The following COP1 variants were observed in gnomAD, a reference collection of about 807,000 sequenced individuals.
COP1 encodes the protein E3 ubiquitin-protein ligase COP1.
COP1 carries 24 observed loss-of-function variants against 101.3 expected under a neutral mutation model. The observed-to-expected ratio is 0.24, with a 90% confidence interval of 0.17 to 0.33. COP1 has a LOEUF of 0.33. Among genes scored for constraint, COP1 ranks in the 10% least tolerant of loss-of-function variants. The pLI is 1.00. For synonymous variants in COP1, 347 were observed against 341.9 expected, an observed-to-expected ratio of 1.01 and a Z score of -0.17; for missense variants, 663 against 906.2, an observed-to-expected ratio of 0.73 and a Z score of 3.45.
rs368580094 is a variant in COP1, at chr1:176,004,501, T to C, written c.1730-15022A>G. On this transcript the variant is annotated intron_variant, in intron 15 of 19. Coordinates refer to ENST00000367669, the MANE Select transcript of COP1 (RefSeq NM_022457.7). ...ATGGCTGTGGGTTTGTCATAGATAG[T>C]TCTTATTATTTTGAAATACGTCCCA... Among the ~76,000 whole-genome samples, 179 of 149,718 alleles carry C rather than the reference T, an allele frequency of 1.2e-3. 1 individual carries two copies. Among genetic ancestry groups the C allele is most frequent in the African/African-American group, 3.7e-3 (151 of 40,692 alleles).
chr1:176,060,969 T>C (rs999472626), intron 11 of COP1, among the ~76,000 whole-genome samples: 3 of 152,236 alleles, frequency 2.0e-5, no homozygotes, highest in African/African-American at 7.2e-5. Context: ...TTCTAAAATG[T>C]ACATGGAAAT....
rs1685269949 is a variant in COP1, at chr1:176,111,429, GAC to G, written c.1026+5193_1026+5194del. On this transcript the variant is annotated intron_variant, in intron 9 of 19. Transcript: ENST00000367669. ...CTGCCTCAGCCTCCTGAGCAGCTGG[GAC>G]TACAGGTGCGCACCACCATGCTCAG... Among the ~76,000 whole-genome samples the G allele has an allele frequency of 1.1e-4, 16 of 152,054 alleles. No individual in the cohort carries two copies. The South Asian group carries it at 3.3e-3, about 32-fold the overall frequency.
rs143907322 is a variant in COP1, at chr1:175,972,626, G to A, written c.2133+14317C>T. Among the ~76,000 whole-genome samples, 393 of 151,846 alleles carry A rather than the reference G, an allele frequency of 2.6e-3. 3 individuals are homozygous for A. The highest frequency in any genetic ancestry group is 9.1e-3 in the African/African-American group (375 of 41,410). On this transcript the variant is annotated intron_variant, in intron 18 of 19. Coordinates refer to ENST00000367669, the MANE Select transcript of COP1 (RefSeq NM_022457.7). ...ATTACAGGCGCCCACGGCCATGCCC[G>A]GCTAATTTTTGTATTTTTTAGTAGA...
intron 18 of COP1, among the ~76,000 whole-genome samples, chr1:175,980,979 C>T (rs1383354998): frequency 6.6e-6 from 1 of 152,112 alleles, no homozygotes; most frequent in African/African-American, 2.4e-5. Flanking sequence ...TAAAACACTT[C>T]ATATTTCATT....
At chr1:176,092,411 C>G (rs1013453681) in intron 9 of COP1, among the ~76,000 whole-genome samples, 3 of 152,068 alleles carry the variant, frequency 2.0e-5, no homozygotes, top group African/African-American at 7.2e-5. Flanking sequence ...TTAAGAACTT[C>G]TGTTCACCAA....
At chr1:175,973,380 C>T (rs952109376) in intron 18 of COP1, among the ~76,000 whole-genome samples, 1 of 152,090 alleles carries the variant, frequency 6.6e-6, no homozygotes, top group African/African-American at 2.4e-5. Context: ...TTCATCTTTC[C>T]ATTCTCGTAT....
Position 176,195,640 on chromosome 1 carries a change from G to A in COP1, c.407+10932C>T, listed in dbSNP as rs140652009. On this transcript the variant is annotated intron_variant, in intron 1 of 19. Transcript: ENST00000367669. Reference sequence around the variant, plus strand: ...TATTAACTGAACAAAGTTGAATTATGTCACAAATCAGACATAGAATGATAC... The same window carrying A: ...TATTAACTGAACAAAGTTGAATTATATCACAAATCAGACATAGAATGATAC... Among the ~76,000 whole-genome samples the A allele has an allele frequency of 2.7e-3, 408 of 152,198 alleles. 3 individuals carry two copies. Among genetic ancestry groups the A allele is most frequent in the African/African-American group, 9.4e-3 (390 of 41,528 alleles).
rs531691617 is a variant in COP1 at position 176,138,593 on chromosome 1, A to G, written c.832-2046T>C. Among the ~76,000 whole-genome samples the G allele has an allele frequency of 3.3e-5, 5 of 152,292 alleles. No homozygotes were observed. In the East Asian group the frequency reaches 9.6e-4, roughly 29 times the overall value. On this transcript the variant is annotated intron_variant, in intron 6 of 19. Transcript: ENST00000367669. ...CTCAATTGATACTGCTCAATTGATA[A>G]AGTCTCTAAAGCCCCAGAGTTTACA...
At chr1:176,120,263 T>C (rs1198371142) in intron 8 of COP1, among the ~76,000 whole-genome samples, 1 of 151,462 alleles carries the variant, frequency 6.6e-6, no homozygotes, top group Non-Finnish European at 1.5e-5. Context: ...TCTACAAAAA[T>C]ACAAAAATGA....
intron 1 of COP1, among the ~76,000 whole-genome samples, chr1:176,190,664 C>CA (rs1463758542): frequency 6.6e-6 from 1 of 151,910 alleles, no homozygotes. Context: ...CATCGTTAAT[C>CA]AGTGCTCTAT....
At chr1:175,992,917 C>A (rs1658998243) in intron 15 of COP1, among the ~76,000 whole-genome samples, 1 of 152,192 alleles carries the variant, frequency 6.6e-6, no homozygotes, top group Non-Finnish European at 1.5e-5. Context: ...AGCTGGAGAT[C>A]TGAGAACGGG....
chr1:175,991,305 T>A (rs1218165894), intron 15 of COP1, among the ~76,000 whole-genome samples: 1 of 152,144 alleles, frequency 6.6e-6, no homozygotes, highest in Non-Finnish European at 1.5e-5. Flanking sequence ...CTGTACTGAA[T>A]GCTGTAGGAA....
intron 6 of COP1, among the ~76,000 whole-genome samples, chr1:176,145,565 A>AT (rs1213767587): frequency 2.0e-5 from 3 of 152,114 alleles, no homozygotes; most frequent in East Asian, 1.9e-4. Flanking sequence ...ACATAGTAGT[A>AT]TTTTTTTGCC....
chr1:175,993,950 A>G, intron 15 of COP1, among the ~76,000 whole-genome samples: 1 of 152,184 alleles, frequency 6.6e-6, no homozygotes, highest in East Asian at 1.9e-4. Context: ...TGTCAGATTC[A>G]CCAAAGTTGA....
At chr1:176,004,906 G>C (rs537162385) in intron 15 of COP1, among the ~76,000 whole-genome samples, 25 of 151,672 alleles carry the variant, frequency 1.6e-4, no homozygotes, top group African/African-American at 5.5e-4. Flanking sequence ...TCTATTGATT[G>C]GAATAGTTTC....
chr1:176,049,178 C>CAAAAAAAAAAAAAAAAA (rs61267982), intron 11 of COP1, among the ~76,000 whole-genome samples: 5 of 118,368 alleles, frequency 4.2e-5, no homozygotes, highest in Non-Finnish European at 5.2e-5. Context: ...GACTCCGTCT[C>CAAAAAAAAAAAAAAAAA]AAAAAAAAAA....
intron 6 of COP1, among the ~76,000 whole-genome samples, chr1:176,143,646 C>T (rs1308497200): frequency 1.3e-5 from 2 of 151,808 alleles, no homozygotes; most frequent in African/African-American, 2.4e-5. Flanking sequence ...ACATAACGGC[C>T]AAGTTTGGTT....
At chr1:175,992,296 T>A (rs1658732253) in intron 15 of COP1, among the ~76,000 whole-genome samples, 1 of 152,212 alleles carries the variant, frequency 6.6e-6, no homozygotes, top group Non-Finnish European at 1.5e-5. Flanking sequence ...ACAGCTCCAG[T>A]CTACAGCTCC....
chr1:176,163,595 T>C (rs1694668020), intron 4 of COP1, among the ~76,000 whole-genome samples: 1 of 152,192 alleles, frequency 6.6e-6, no homozygotes, highest in Admixed American at 6.5e-5. Context: ...AGACAAATGT[T>C]TCAATATAAT....
Sources: allele counts gnomAD v4.1 joint callset (sites outside exome capture counted in the v4.1 genomes callset), GRCh38; gene constraint gnomAD v4.1.1; transcripts MANE v1.5; gene names NCBI Gene and HGNC (gene_info 2026-07-23, HGNC 2026-07-21).